FBXO34: variants seen among roughly 807,000 people sequenced by gnomAD.
FBXO34 encodes the protein F-box protein 34.
In FBXO34, 12 loss-of-function variants were observed where a neutral mutation model predicts 24.5. The observed-to-expected ratio is 0.49, with a 90% confidence interval of 0.31 to 0.79. FBXO34 has a LOEUF of 0.79. Among genes scored for constraint, FBXO34 ranks in the 30% least tolerant of loss-of-function variants. The pLI, the probability that FBXO34 is intolerant of heterozygous loss-of-function variation, is 0.04. For missense variants in FBXO34, 823 were observed against 857.7 expected (o/e 0.96, Z 0.51); for synonymous variants, 320 against 311.9 (o/e 1.03, Z -0.27).
At chr14:55,398,488 A>G in the FBXO34 span, among the ~76,000 whole-genome samples, 2 of 152,132 alleles carry the variant, frequency 1.3e-5, no homozygotes, top group African/African-American at 4.8e-5. Flanking sequence ...TTAGTTTGAA[A>G]CTTTTAATCT....
chr14:55,362,167 G>A (rs1346724413), downstream of FBXO34, among the ~76,000 whole-genome samples: 6 of 152,142 alleles, frequency 3.9e-5, no homozygotes, highest in African/African-American at 7.2e-5. Context: ...TAATTGGCCC[G>A]ATTTCAATAT....
intron 1 of FBXO34, among the ~76,000 whole-genome samples, chr14:55,324,152 T>A (rs377418192): frequency 6.6e-6 from 1 of 151,982 alleles, no homozygotes; most frequent in African/African-American, 2.4e-5. Flanking sequence ...ATAGAATTGC[T>A]TCTTCTGGAC....
chr14:55,414,263 T>C, the FBXO34 span: 6 of 777,968 alleles, frequency 7.7e-6, no homozygotes, highest in Middle Eastern at 2.5e-4. Flanking sequence ...GAGTCGCCCT[T>C]TAATAAGTAA....
intron 1 of FBXO34, among the ~76,000 whole-genome samples, chr14:55,313,486 C>T (rs1016093655): frequency 6.6e-5 from 10 of 152,136 alleles, no homozygotes; most frequent in Admixed American, 2.6e-4. Flanking sequence ...ATTTTTATAG[C>T]GCGGTGCCCC....
chr14:55,332,090 ATATATATT>A (rs1455930312), intron 1 of FBXO34, among the ~76,000 whole-genome samples: 17 of 146,694 alleles, frequency 1.2e-4, no homozygotes, highest in African/African-American at 4.2e-4. Flanking sequence ...ATAAATATAT[ATATATATT>A]TAAATATATA....
At chr14:55,426,904 G>A in the FBXO34 span, among the ~76,000 whole-genome samples, 1 of 152,098 alleles carries the variant, frequency 6.6e-6, no homozygotes, top group African/African-American at 2.4e-5. Flanking sequence ...CAAGGAAGAT[G>A]CTGGTGAAAA....
At chr14:55,440,746 G>A in the FBXO34 span, 20 of 558,906 alleles carry the variant, frequency 3.6e-5, no homozygotes, top group Admixed American at 2.1e-4. Flanking sequence ...TCTGCCCGCA[G>A]CTGGGAAGGG....
At chr14:55,406,229 G>GA in the FBXO34 span, among the ~76,000 whole-genome samples, 778 of 152,052 alleles carry the variant, frequency 5.1e-3, 29 homozygotes, top group Admixed American at 0.044. Flanking sequence ...AATGAAACCT[G>GA]AAAAAAATAC....
chr14:55,292,269 A>T (rs1226727545), intron 1 of FBXO34, among the ~76,000 whole-genome samples: 1 of 152,134 alleles, frequency 6.6e-6, no homozygotes, highest in Non-Finnish European at 1.5e-5. Flanking sequence ...CCTTAATTAT[A>T]TTTTTAACTA....
chr14:55,312,789 A>G (rs370957950), intron 1 of FBXO34, among the ~76,000 whole-genome samples: 1 of 152,260 alleles, frequency 6.6e-6, no homozygotes, highest in Non-Finnish European at 1.5e-5. Flanking sequence ...GCACAAAGCA[A>G]CAAGGCTGTG....
chr14:55,272,447 A>G (rs1881184595), intron 1 of FBXO34: 1 of 152,076 alleles, frequency 6.6e-6, no homozygotes, highest in Admixed American at 6.6e-5. Context: ...TTAGGAAGCT[A>G]AATTCGTAGT....
At chr14:55,360,158 C>T (rs56986674) in intron 3 of FBXO34, among the ~76,000 whole-genome samples, 1 of 152,104 alleles carries the variant, frequency 6.6e-6, no homozygotes, top group Non-Finnish European at 1.5e-5. Context: ...CTGCAGCCTC[C>T]ACCTCCTGGG....
chr14:55,337,429 C>CTGGTA (rs1463869869), intron 1 of FBXO34, among the ~76,000 whole-genome samples: 1 of 152,182 alleles, frequency 6.6e-6, no homozygotes, highest in Non-Finnish European at 1.5e-5. Context: ...GTTGTACCAG[C>CTGGTA]CTTACTCTTT....
At chr14:55,277,129 A>C (rs1881370428) in intron 1 of FBXO34, among the ~76,000 whole-genome samples, 1 of 152,236 alleles carries the variant, frequency 6.6e-6, no homozygotes, top group Non-Finnish European at 1.5e-5. Context: ...CACCACAAAA[A>C]GTTCCTTCCT....
chr14:55,429,099 C>G, the FBXO34 span: 3 of 1,200,224 alleles, frequency 2.5e-6, no homozygotes, highest in African/African-American at 4.6e-5. Flanking sequence ...AAGCTGTAGG[C>G]TTTGTGAGGA....
intron 1 of FBXO34, among the ~76,000 whole-genome samples, chr14:55,339,085 C>CT (rs1310075577): frequency 4.6e-5 from 7 of 152,122 alleles, no homozygotes; most frequent in Non-Finnish European, 8.8e-5. Context: ...AAAATACACT[C>CT]TGACTCAATA....
At chr14:55,290,198 A>G (rs1007459805) in intron 1 of FBXO34, among the ~76,000 whole-genome samples, 8 of 152,074 alleles carry the variant, frequency 5.3e-5, no homozygotes, top group Admixed American at 1.3e-4. Context: ...GTTTGAGACC[A>G]GCCTGGCCAA....
At chr14:55,408,568 C>T in the FBXO34 span, among the ~76,000 whole-genome samples, 4 of 152,060 alleles carry the variant, frequency 2.6e-5, no homozygotes, top group African/African-American at 7.2e-5. Context: ...CCCACAGGTT[C>T]GAGATCAGCC....
chr14:55,439,856 G>C, the FBXO34 span, among the ~76,000 whole-genome samples: 1 of 147,856 alleles, frequency 6.8e-6, no homozygotes. Flanking sequence ...GCGTGAACCT[G>C]GGAGGCAGAG....
Sources: gnomAD v4.1 joint callset for allele counts (sites outside exome capture counted in the v4.1 genomes callset) on GRCh38, gnomAD v4.1.1 for gene constraint, MANE v1.5 for transcripts, NCBI Gene and HGNC (gene_info 2026-07-23, HGNC 2026-07-21) for gene names.